GMPPB: variants seen among roughly 807,000 people sequenced by gnomAD.
GMPPB encodes the protein mannose-1-phosphate guanylyltransferase catalytic subunit beta.
A neutral mutation model predicts 40.3 loss-of-function variants in GMPPB; 38 were observed. The ratio of observed to expected loss-of-function variants is 0.94; its 90% confidence interval spans 0.73 to 1.24. The LOEUF (loss-of-function observed/expected upper bound fraction) is 1.24. Among genes scored for constraint, GMPPB ranks in the 50% most tolerant of loss-of-function variants. The pLI is 0.00. For missense variants in GMPPB, 436 were observed against 487.1 expected (o/e 0.90, Z 0.99); for synonymous variants, 193 against 191.8 (o/e 1.01, Z -0.05).
chr3:49,720,583 A>G lies in GMPPB; in HGVS notation c.*1169T>C. The G allele has an allele frequency of 6.2e-7, 1 of 1,612,128 alleles. No individual in the cohort carries two copies. Among genetic ancestry groups the G allele is most frequent in the Non-Finnish European group, 8.5e-7 (1 of 1,178,860 alleles). ...TACGCTCAATATGCTATCTCCTGGGACAGCCAGAGCCCCCAGCACCTGGCA... is the reference window on the plus strand; with the variant it reads ...TACGCTCAATATGCTATCTCCTGGGGCAGCCAGAGCCCCCAGCACCTGGCA... On this transcript the variant is annotated 3_prime_UTR_variant, in exon 9 of 9. Transcript: ENST00000308388.
In GMPPB at chr3:49,721,657, C is replaced by A; in HGVS notation, c.*95G>T. On this transcript the variant is annotated 3_prime_UTR_variant, in exon 9 of 9. Transcript: ENST00000308388. ...TCAGCTTCACCCAGTGCCCCCCAGACAAATAATGACAAGTCCAGGGTCTTC... is the reference window on the plus strand; with the variant it reads ...TCAGCTTCACCCAGTGCCCCCCAGAAAAATAATGACAAGTCCAGGGTCTTC... 8 of 1,228,078 alleles carry A rather than the reference C, an allele frequency of 6.5e-6. No individual in the cohort carries two copies. Among genetic ancestry groups the A allele is most frequent in the South Asian group, 1.4e-5 (1 of 73,556 alleles). 76.1% of individuals were successfully genotyped at this position (1,228,078 alleles called of 1,614,324 possible).
At chr3:49,722,828 CA>C in intron 4 of GMPPB, 74 bp from the exon 5 acceptor site, 1 of 1,539,952 alleles carries the variant, frequency 6.5e-7, no homozygotes. Flanking sequence ...TTCCAGATCT[CA>C]AGAGACTCTG....
chr3:49,722,472 A>C lies in GMPPB; in HGVS notation c.600T>G (p.Ile200Met). Residue 200 changes from isoleucine to methionine, a missense_variant, in exon 6 of 9, where the codon ATT (isoleucine) becomes ATG (methionine). Transcript: ENST00000308388. ...CATATAGCTGCCCCTCCTTGGCCATAATGGGGAAGACCTCCTTCTCAATGG... is the reference window on the plus strand; with the variant it reads ...CATATAGCTGCCCCTCCTTGGCCATCATGGGGAAGACCTCCTTCTCAATGG... Reference protein sequence around the residue: ...PTSIEKEVFPIMAKEGQLYAM... With the variant: ...PTSIEKEVFPMMAKEGQLYAM... 1 of 1,614,084 alleles carries C rather than the reference A, an allele frequency of 6.2e-7. No homozygotes were observed. Among genetic ancestry groups the C allele is most frequent in the Non-Finnish European group, 8.5e-7 (1 of 1,179,998 alleles).
In GMPPB at chr3:49,723,727, C is replaced by T. The variant is rs748124590; in HGVS notation, c.-1G>A. Reference sequence around the variant, plus strand: ...CCCCCACTAAGATCAGTGCCTTCATCGCGCCTGCGGACGTTGAGGGGGTGT... The same window carrying T: ...CCCCCACTAAGATCAGTGCCTTCATTGCGCCTGCGGACGTTGAGGGGGTGT... On this transcript the variant is annotated 5_prime_UTR_variant, in exon 1 of 9. Transcript: ENST00000308388. 1 of 1,585,472 alleles carries T rather than the reference C, an allele frequency of 6.3e-7. No homozygotes were observed. Among genetic ancestry groups the T allele is most frequent in the Non-Finnish European group, 8.5e-7 (1 of 1,169,988 alleles).
At chr3:49,722,894 G>T in intron 4 of GMPPB, 78 bp downstream of exon 4, 1 of 1,536,030 alleles carries the variant, frequency 6.5e-7, no homozygotes, top group Non-Finnish European at 8.9e-7. Flanking sequence ...ACATCCGAAG[G>T]CAGATGAAGG....
chr3:49,722,486 C>G lies in GMPPB; in HGVS notation c.586G>C (p.Glu196Gln), dbSNP rs758587073. The G allele has an allele frequency of 6.8e-6, 11 of 1,614,098 alleles. No homozygotes were observed. Among genetic ancestry groups the G allele is most frequent in the Non-Finnish European group, 9.3e-6 (11 of 1,180,034 alleles). ...TCCTTGGCCATAATGGGGAAGACCT[C>G]CTTCTCAATGGACGTAGGCTGCAGC... ...IQLQPTSIEK[E>Q]VFPIMAKEGQ... Residue 196 changes from glutamate to glutamine, a missense_variant, in exon 6 of 9, where the codon GAG (glutamate) becomes CAG (glutamine). By Grantham distance (29) the Glu-to-Gln change is conservative (BLOSUM62 2). Transcript: ENST00000308388.
At chr3:49,722,789 AG>A (rs1182187979) in intron 4 of GMPPB, 35 bp from the exon 5 acceptor site, 4 of 1,593,680 alleles carry the variant, frequency 2.5e-6, no homozygotes, top group Non-Finnish European at 1.7e-6. Flanking sequence ...GACCTAGTCC[AG>A]TGTTCCTAAG....
At position 49,721,973 on chromosome 3, in the gene GMPPB, C is replaced by G. The variant is rs1320791983; in HGVS notation, c.943G>C (p.Gly315Arg). ...SCIVGWRCRV[G>R]QWVRMENVTV... The stretch of plus-strand genomic sequence containing the variant: ...CCAGCCCACAGGCTTACCCACTGAC[C>G]CACGCGGCAGCGCCAGCCCACAATG... Residue 315 changes from glycine to arginine, a missense_variant, in exon 8 of 9, where the codon GGT (glycine) becomes CGT (arginine). Transcript: ENST00000308388. The G allele has an allele frequency of 6.2e-7, 1 of 1,613,530 alleles. No individual in the cohort carries two copies. Among genetic ancestry groups the G allele is most frequent in the South Asian group, 1.1e-5 (1 of 91,088 alleles).
chr3:49,723,541 G>T, intron 1 of GMPPB, 57 bp downstream of exon 1: 1 of 1,610,546 alleles, frequency 6.2e-7, no homozygotes. Context: ...CTAGTCGCTG[G>T]CCATCCCTAG....
In GMPPB at chr3:49,722,027, T is replaced by C; in HGVS notation, c.889A>G (p.Ile297Val). 1 of 1,613,066 alleles carries C rather than the reference T, an allele frequency of 6.2e-7. No homozygotes were observed. The highest frequency in any genetic ancestry group is 1.1e-5 in the South Asian group (1 of 91,058). The change falls in exon 8 of 9, where the codon ATC becomes GTC. Residue 297 changes from isoleucine (I) to valine (V), a missense_variant. Coordinates refer to ENST00000308388, the MANE Select transcript of GMPPB (RefSeq NM_021971.4). Reference sequence around the variant, plus strand: ...GACTCAAGCCAGGAATGGGAACGGATCCGGGCATCCCGCAGCACCGTGCAC... The same window carrying C: ...GACTCAAGCCAGGAATGGGAACGGACCCGGGCATCCCGCAGCACCGTGCAC... Reference protein sequence around the residue: ...RRCTVLRDARIRSHSWLESCI... With the variant: ...RRCTVLRDARVRSHSWLESCI...
rs1445712548 is a variant in GMPPB at position 49,722,685 on chromosome 3, G to A, written c.472C>T (p.Arg158Trp). 1.9e-6 allele frequency: 3 copies of A among 1,613,874 alleles called. No homozygotes were observed. Among genetic ancestry groups the A allele is most frequent in the Non-Finnish European group, 2.5e-6 (3 of 1,180,018 alleles). ...VCEADTGRIH[R>W]FVEKPQVFVS... Reference sequence around the variant, plus strand: ...AACACCTGTGGCTTCTCCACGAACCGGTGAATGCGGCCTGTGTCAGCCTCA... The same window carrying A: ...AACACCTGTGGCTTCTCCACGAACCAGTGAATGCGGCCTGTGTCAGCCTCA... The change falls in exon 5 of 9, where the codon CGG becomes TGG. Residue 158 changes from arginine (R) to tryptophan (W), a missense_variant. Coordinates refer to ENST00000308388, the MANE Select transcript of GMPPB (RefSeq NM_021971.4).
intron 5 of GMPPB, 38 bp downstream of exon 5, chr3:49,722,558 G>A (rs1188506885): frequency 1.2e-6 from 2 of 1,613,262 alleles, no homozygotes. Context: ...GTGATGGCCT[G>A]CCCCACCCCA....
Position 49,723,680 on chromosome 3 carries a change from G to A in GMPPB, c.47C>T (p.Pro16Leu). The change falls in exon 1 of 9, where the codon CCG (proline) becomes CTG (leucine). Residue 16 changes from proline to leucine, a missense_variant. By Grantham distance (98) the Pro-to-Leu change is moderately conservative (BLOSUM62 -3). Transcript: ENST00000308388. ...LVGGYGTRLR[P>L]LTLSTPKPLV... ...TGGCTTCGGGGTGCTCAGCGTCAGC[G>A]GCCGTAGCCGCGTCCCATAGCCCCC... 1 of 1,585,146 alleles carries A rather than the reference G, an allele frequency of 6.3e-7. No homozygotes were observed. Among genetic ancestry groups the A allele is most frequent in the Non-Finnish European group, 8.6e-7 (1 of 1,168,098 alleles).
chr3:49,723,074 A>G lies in GMPPB; in HGVS notation c.300T>C (p.Thr100=), dbSNP rs1269383125. Residue 100 remains threonine (T), a synonymous_variant, in exon 4 of 9, where the codon ACT becomes ACC. Transcript: ENST00000308388. ...LALARDLLSE[T]ADPFFVLNSD... ...TGTTGAGGACGAAGAAAGGGTCTGC[A>G]GTCTCAGAGAGTAGGTCACGGGCCA... The G allele has an allele frequency of 3.7e-6, 6 of 1,613,706 alleles. No individual in the cohort carries two copies. The East Asian group carries it at 1.1e-4, about 30-fold the overall frequency.
rs2080444859 is a variant in GMPPB at position 49,722,955 on chromosome 3, AAG to A, written c.402+15_402+16del. 6.2e-7 allele frequency: 1 copy of A among 1,611,548 alleles called. No individual in the cohort carries two copies. Among genetic ancestry groups the A allele is most frequent in the South Asian group, 1.1e-5 (1 of 90,818 alleles). On this transcript the variant is annotated intron_variant, in intron 4 of 8. Transcript: ENST00000308388. ...GGAGGGTGAAAGTGTCAAGAGAGAG[AAG>A]ACCTGGCGCCTTACCAGGATGGAGC...
Position 49,722,488 on chromosome 3 carries a change from T to C in GMPPB, c.584A>G (p.Lys195Arg). The change falls in exon 6 of 9, where the codon AAG becomes AGG. Residue 195 changes from lysine to arginine, a missense_variant. Lys to Arg is a conservative substitution (Grantham distance 26). Coordinates refer to ENST00000308388, the MANE Select transcript of GMPPB (RefSeq NM_021971.4). The part of the protein sequence containing the change: ...RIQLQPTSIE[K>R]EVFPIMAKEG... ...CTTGGCCATAATGGGGAAGACCTCCTTCTCAATGGACGTAGGCTGCAGCTG... is the reference window on the plus strand; with the variant it reads ...CTTGGCCATAATGGGGAAGACCTCCCTCTCAATGGACGTAGGCTGCAGCTG... 6.2e-7 allele frequency: 1 copy of C among 1,614,204 alleles called. No individual in the cohort carries two copies. The highest frequency in any genetic ancestry group is 1.6e-4 in the Middle Eastern group (1 of 6,062).
chr3:49,723,568 C>A (rs182316812), intron 1 of GMPPB, 30 bp downstream of exon 1: 1 of 1,605,838 alleles, frequency 6.2e-7, no homozygotes, highest in African/African-American at 1.3e-5. Flanking sequence ...CAGATCCGAA[C>A]GCGACTCTGA....
chr3:49,722,531 T>G, intron 5 of GMPPB, 21 bp from the exon 6 acceptor site: 1 of 1,614,046 alleles, frequency 6.2e-7, no homozygotes. Context: ...GGGCAGCTTG[T>G]GAGCAGGGTC....
In GMPPB at chr3:49,723,317, C is replaced by G. The variant is rs778568517; in HGVS notation, c.211-15G>C. Reference sequence around the variant, plus strand: ...CGGATTCCCAGCTGGAAGGAAGAGGCCCCCCCAGTCAGGTTCTACCAGGAT... The same window carrying G: ...CGGATTCCCAGCTGGAAGGAAGAGGGCCCCCCAGTCAGGTTCTACCAGGAT... On this transcript the variant is annotated splice_polypyrimidine_tract_variant and intron_variant, in intron 2 of 8. Transcript: ENST00000308388. The G allele has an allele frequency of 1.2e-6, 2 of 1,613,758 alleles. No homozygotes were observed. The highest frequency in any genetic ancestry group is 2.2e-5 in the South Asian group (2 of 91,072).
Sources: gnomAD v4.1 joint callset for allele counts on GRCh38, gnomAD v4.1.1 for gene constraint, MANE v1.5 for transcripts, NCBI Gene and HGNC (gene_info 2026-07-23, HGNC 2026-07-21) for gene names.